The following SLC35A3 variants were observed in gnomAD, a reference collection of about 807,000 sequenced individuals.
The protein encoded by SLC35A3 is solute carrier family 35 member A3.
A neutral mutation model predicts 39.0 loss-of-function variants in SLC35A3; 26 were observed. The observed-to-expected ratio is 0.67, with a 90% CI of 0.49 to 0.92. The LOEUF is 0.92. SLC35A3 is among the 40% of genes least tolerant of loss of function. SLC35A3 has a pLI of 0.00. For synonymous variants in SLC35A3, 135 were observed against 133.1 expected, an observed-to-expected ratio of 1.01 and a Z score of -0.10; for missense variants, 299 against 371.6, an observed-to-expected ratio of 0.80 and a Z score of 1.61.
Position 100,026,117 on chromosome 1 carries a change from CTAAT to C in SLC35A3, c.*3644_*3647del, listed in dbSNP as rs1225452354. ...TTCTAAGATATAATCTGAAAGGAAA[CTAAT>C]TATGTTCTCTACACTTACTGTAATA... On this transcript the variant is annotated 3_prime_UTR_variant, in exon 8 of 8. Coordinates refer to ENST00000533028, the MANE Select transcript of SLC35A3 (RefSeq NM_012243.3). 4 of 152,034 alleles carry C rather than the reference CTAAT, an allele frequency of 2.6e-5. No homozygotes were observed. Among genetic ancestry groups the C allele is most frequent in the South Asian group, 2.1e-4 (1 of 4,818 alleles). The allele number at this position is 152,034 out of a possible 1,614,324, so 9.4% of individuals were successfully genotyped here.
At chr1:99,991,158 T>G (rs567578218) in intron 1 of SLC35A3, among the ~76,000 whole-genome samples, 1 of 152,364 alleles carries the variant, frequency 6.6e-6, no homozygotes, top group Admixed American at 6.5e-5. Flanking sequence ...TTTGTTTTTT[T>G]GTTTTGAGAT....
intron 1 of SLC35A3, among the ~76,000 whole-genome samples, chr1:99,984,544 G>A (rs1354055993): frequency 1.3e-5 from 2 of 152,182 alleles, no homozygotes; most frequent in African/African-American, 4.8e-5. Flanking sequence ...CTATAAACAT[G>A]CGTGTGCAAA....
In SLC35A3 at chr1:99,993,658, C is replaced by T. The variant is rs139029706; in HGVS notation, c.104C>T (p.Pro35Leu). The T allele has an allele frequency of 6.2e-7, 1 of 1,613,730 alleles. No homozygotes were observed. Among genetic ancestry groups the T allele is most frequent in the African/African-American group, 1.3e-5 (1 of 74,860 alleles). ...RYSRTLKEEGPRYLSSTAVVV... is the reference protein window; with the variant it reads ...RYSRTLKEEGLRYLSSTAVVV... The stretch of plus-strand genomic sequence containing the variant: ...TCCAGAACTTTAAAAGAAGAAGGAC[C>T]TCGTTATCTATCTTCTACAGCAGTG... Residue 35 changes from proline to leucine, a missense_variant, in exon 2 of 8, where the codon CCT (proline) becomes CTT (leucine). Pro to Leu is a moderately conservative substitution (Grantham distance 98, BLOSUM62 -3). Transcript: ENST00000533028.
rs572964972 is a variant in SLC35A3 at position 99,994,703 on chromosome 1, G to A, written c.187+962G>A. 2.0e-5 allele frequency among the ~76,000 whole-genome samples: 3 copies of A among 152,214 alleles called. No homozygotes were observed. In the South Asian group the frequency reaches 6.2e-4, roughly 32 times the overall value. ...TCATCCATGTGTTGATGGACACTTG[G>A]GTTGTTTCCACCTTTTGGCTATTGT... is the stretch of plus-strand genomic sequence containing the variant. On this transcript the variant is annotated intron_variant, in intron 2 of 7. Transcript: ENST00000533028.
intron 1 of SLC35A3, among the ~76,000 whole-genome samples, chr1:99,979,563 A>G (rs1657325100): frequency 6.6e-6 from 1 of 150,846 alleles, no homozygotes; most frequent in Admixed American, 6.6e-5. Context: ...CCTCCGGAGT[A>G]GCTGGGACTA....
intron 5 of SLC35A3, among the ~76,000 whole-genome samples, chr1:100,014,581 G>A (rs1462966423): frequency 2.0e-5 from 3 of 152,106 alleles, no homozygotes; most frequent in Non-Finnish European, 4.4e-5. Context: ...ATATTTGTAT[G>A]TATCAATGTG....
Position 100,011,424 on chromosome 1 carries a change from A to G in SLC35A3, c.525A>G (p.Gly175=), listed in dbSNP as rs374048002. The G allele has an allele frequency of 8.2e-6, 13 of 1,584,294 alleles. No homozygotes were observed. The African/African-American group carries it at 1.3e-4, about 16-fold the overall frequency. Residue 175 remains glycine (G), a synonymous_variant, in exon 5 of 8, where the codon GGA becomes GGG. Coordinates refer to ENST00000533028, the MANE Select transcript of SLC35A3 (RefSeq NM_012243.3). ...TTTCAGCTGGTTCTCAATTTGTAGG[A>G]CTCATGGCAGTTCTCACAGCATGTT... ...KELSAGSQFV[G]LMAVLTACFS...
At chr1:100,015,552 C>G in intron 6 of SLC35A3, 132 bp downstream of exon 6, 1 of 973,912 alleles carries the variant, frequency 1.0e-6, no homozygotes, top group East Asian at 3.0e-5. Flanking sequence ...CTAGTTTATT[C>G]AAGGAAGTGA....
chr1:100,016,302 T>G (rs1660108481), intron 6 of SLC35A3, among the ~76,000 whole-genome samples: 1 of 151,216 alleles, frequency 6.6e-6, no homozygotes, highest in Non-Finnish European at 1.5e-5. Context: ...CTGACCTCGT[T>G]ATCCACCCAC....
intron 3 of SLC35A3, among the ~76,000 whole-genome samples, chr1:100,005,396 C>T (rs1452047395): frequency 6.6e-6 from 1 of 152,134 alleles, no homozygotes; most frequent in Non-Finnish European, 1.5e-5. Flanking sequence ...ATGTTTTTCC[C>T]CACAACTAAC....
intron 1 of SLC35A3, among the ~76,000 whole-genome samples, chr1:99,972,147 T>G (rs1656852354): frequency 6.6e-6 from 1 of 151,294 alleles, no homozygotes; most frequent in Admixed American, 6.6e-5. Context: ...GTGATCCACC[T>G]GCCTCGACAT....
chr1:99,970,603 A>G, intron 1 of SLC35A3: 7 of 1,536,116 alleles, frequency 4.6e-6, no homozygotes, highest in Non-Finnish European at 6.1e-6. Context: ...CCTGGAGCTC[A>G]AGAAGCCGCA....
At chr1:99,979,646 G>C (rs1197070596) in intron 1 of SLC35A3, among the ~76,000 whole-genome samples, 1 of 151,238 alleles carries the variant, frequency 6.6e-6, no homozygotes, top group Non-Finnish European at 1.5e-5. Context: ...TGTTAGCCAG[G>C]ATGGTCTCGA....
intron 2 of SLC35A3, among the ~76,000 whole-genome samples, chr1:99,998,619 A>T (rs940076912): frequency 6.6e-6 from 1 of 152,128 alleles, no homozygotes; most frequent in African/African-American, 2.4e-5. Context: ...CAAACTTTCA[A>T]TTTGGAAGAA....
intron 1 of SLC35A3, among the ~76,000 whole-genome samples, chr1:99,983,252 G>A (rs1181188958): frequency 6.6e-6 from 1 of 151,890 alleles, no homozygotes; most frequent in East Asian, 1.9e-4. Flanking sequence ...ACAAAAATAC[G>A]GTTGGGGGCC....
chr1:100,016,740 T>G (rs1473551174), intron 6 of SLC35A3, among the ~76,000 whole-genome samples: 2 of 152,042 alleles, frequency 1.3e-5, no homozygotes. Context: ...AAAAAATAAT[T>G]AAGAGAAAAT....
intron 7 of SLC35A3, among the ~76,000 whole-genome samples, chr1:100,021,941 A>T (rs1258468188): frequency 6.6e-6 from 1 of 152,244 alleles, no homozygotes; most frequent in Non-Finnish European, 1.5e-5. Context: ...GTTCAACTAA[A>T]GAATTAAGGC....
At chr1:99,986,748 C>T (rs1363051851) in intron 1 of SLC35A3, among the ~76,000 whole-genome samples, 3 of 152,006 alleles carry the variant, frequency 2.0e-5, no homozygotes, top group African/African-American at 7.2e-5. Context: ...CCACCATGCC[C>T]AGCTAATTTT....
intron 1 of SLC35A3, chr1:99,970,725 T>G (rs777598994): frequency 1.1e-6 from 1 of 905,684 alleles, no homozygotes; most frequent in Non-Finnish European, 1.7e-6. Context: ...CATTGCTTTA[T>G]AGTAAAAGAC....
Sources: allele counts gnomAD v4.1 joint callset (sites outside exome capture counted in the v4.1 genomes callset), GRCh38; gene constraint gnomAD v4.1.1; transcripts MANE v1.5; gene names NCBI Gene and HGNC (gene_info 2026-07-23, HGNC 2026-07-21).